JARID2: variants seen among roughly 807,000 people sequenced by gnomAD.
JARID2 encodes the protein protein Jumonji.
A neutral mutation model predicts 125.6 loss-of-function variants in JARID2; 21 were observed. The observed-to-expected ratio is 0.17, with a 90% CI of 0.12 to 0.24. The LOEUF (loss-of-function observed/expected upper bound fraction) is 0.24, where lower values mean the gene tolerates loss of function less well. Ranked by LOEUF, JARID2 falls within the 10% of genes least tolerant of loss-of-function variation. JARID2 has a pLI of 1.00. For missense variants in JARID2, 1,303 were observed against 1,639.6 expected, an observed-to-expected ratio of 0.79 and a Z score of 3.55; for synonymous variants, 736 against 661.6, an observed-to-expected ratio of 1.11 and a Z score of -1.73.
chr6:15,266,853 C>T (rs574862773), intron 1 of JARID2, among the ~76,000 whole-genome samples: 2 of 152,240 alleles, frequency 1.3e-5, no homozygotes, highest in South Asian at 2.1e-4. Flanking sequence ...ACAATCAGGG[C>T]GCCAGCTGAC....
chr6:15,482,222 C>T (rs1412832207), intron 5 of JARID2, among the ~76,000 whole-genome samples: 1 of 152,226 alleles, frequency 6.6e-6, no homozygotes, highest in African/African-American at 2.4e-5. Flanking sequence ...ACACATCAAG[C>T]TTCTTGAAAT....
At chr6:15,343,736 T>C (rs1763150388) in intron 1 of JARID2, among the ~76,000 whole-genome samples, 1 of 152,194 alleles carries the variant, frequency 6.6e-6, no homozygotes, top group Admixed American at 6.5e-5. Context: ...TCAGATTGTT[T>C]AGACTAATGT....
chr6:15,513,533 T>C (rs962692480), intron 16 of JARID2, 111 bp downstream of exon 16: 2 of 1,080,540 alleles, frequency 1.9e-6, no homozygotes, highest in Admixed American at 6.0e-5. Flanking sequence ...CCTGCTGTGC[T>C]CCCATCTCTG....
chr6:15,455,301 A>G (rs558824582), intron 4 of JARID2, among the ~76,000 whole-genome samples: 2 of 151,242 alleles, frequency 1.3e-5, no homozygotes, highest in Admixed American at 6.6e-5. Context: ...GTACATATTT[A>G]TGGGTCACAT....
intron 3 of JARID2, among the ~76,000 whole-genome samples, chr6:15,418,946 G>T (rs1040636617): frequency 6.6e-6 from 1 of 152,032 alleles, no homozygotes; most frequent in Non-Finnish European, 1.5e-5. Context: ...TATTTACTTC[G>T]AGTTTGAAAG....
chr6:15,370,756 C>T (rs1764137825), intron 1 of JARID2, among the ~76,000 whole-genome samples: 1 of 152,180 alleles, frequency 6.6e-6, no homozygotes, highest in Non-Finnish European at 1.5e-5. Context: ...CTTCCTCTCC[C>T]CCATCTTGGA....
intron 3 of JARID2, among the ~76,000 whole-genome samples, chr6:15,428,867 C>T (rs1484661983): frequency 6.7e-6 from 1 of 149,632 alleles, no homozygotes; most frequent in East Asian, 2.0e-4. Context: ...GATAGCACCA[C>T]TGCACTCCAA....
At chr6:15,428,621 T>C (rs543349076) in intron 3 of JARID2, among the ~76,000 whole-genome samples, 144 of 152,188 alleles carry the variant, frequency 9.5e-4, no homozygotes, top group Non-Finnish European at 1.8e-3. Context: ...TAGAATCTTC[T>C]AGTGCCAGGC....
At chr6:15,447,244 TAC>T (rs998522956) in intron 3 of JARID2, among the ~76,000 whole-genome samples, 2 of 152,240 alleles carry the variant, frequency 1.3e-5, no homozygotes, top group African/African-American at 4.8e-5. Context: ...TCTGCTGGTT[TAC>T]ATTTACTTGA....
intron 17 of JARID2, among the ~76,000 whole-genome samples, chr6:15,518,688 G>C (rs1332060568): frequency 1.3e-5 from 2 of 152,148 alleles, no homozygotes; most frequent in East Asian, 3.9e-4. Context: ...TACCATGTTG[G>C]TCAGGCTGGT....
rs182426675 is a variant in JARID2, at chr6:15,480,524, C to T, written c.671-6783C>T. 1.8e-4 allele frequency among the ~76,000 whole-genome samples: 27 copies of T among 152,184 alleles called. No homozygotes were observed. In the East Asian group the frequency reaches 4.3e-3, roughly 24 times the overall value. ...GCATGGGTAATTGGCAAGATAGGGG[C>T]GTCTGGTTCTGGGAGGCGCTTGGAG... On this transcript the variant is annotated intron_variant, in intron 5 of 17. Coordinates refer to ENST00000341776, the MANE Select transcript of JARID2 (RefSeq NM_004973.4).
At chr6:15,253,928 T>C (rs559547220) in intron 1 of JARID2, among the ~76,000 whole-genome samples, 5 of 152,294 alleles carry the variant, frequency 3.3e-5, no homozygotes, top group Non-Finnish European at 5.9e-5. Flanking sequence ...TTTCTGAATT[T>C]GCTCCCCCCT....
rs565772790 is a variant in JARID2, at chr6:15,272,218, C to T, written c.45+25634C>T. On this transcript the variant is annotated intron_variant, in intron 1 of 17. Transcript: ENST00000341776. ...TGCTTGAAAATGCATCTTTTGGCCC[C>T]GTGGCCCTCTATGTTGTCCTTTCTG... is the stretch of plus-strand genomic sequence containing the variant. Among the ~76,000 whole-genome samples, 6 of 152,350 alleles carry T rather than the reference C, an allele frequency of 3.9e-5. No homozygotes were observed. In the South Asian group the frequency reaches 1.0e-3, roughly 26 times the overall value.
At chr6:15,303,418 A>T (rs553230204) in intron 1 of JARID2, among the ~76,000 whole-genome samples, 18 of 152,390 alleles carry the variant, frequency 1.2e-4, no homozygotes, top group Admixed American at 4.6e-4. Flanking sequence ...GTAATCCTGC[A>T]CGGGCAGTGT....
chr6:15,252,334 T>C (rs1394015652), intron 1 of JARID2, among the ~76,000 whole-genome samples: 2 of 152,202 alleles, frequency 1.3e-5, no homozygotes, highest in African/African-American at 2.4e-5. Flanking sequence ...TTGTTTGTTA[T>C]CTAACAAACT....
rs550548571 is a variant in JARID2 at position 15,520,790 on chromosome 6, G to C, written c.*539G>C. 1 of 455,836 alleles carries C rather than the reference G, an allele frequency of 2.2e-6. No homozygotes were observed. The highest frequency in any genetic ancestry group is 2.0e-5 in the African/African-American group (1 of 50,054). The allele number at this position is 455,836 out of a possible 1,614,324, so 28.2% of individuals were successfully genotyped here. A position where few individuals can be genotyped will look rare whatever the true frequency, so the allele number is the denominator to read the frequency against. ...TGATCTGGGAAGCCGGGGCACCCCC[G>C]TTTTGTTTCTCTGGGCGGTTGTGGC... On this transcript the variant is annotated 3_prime_UTR_variant, in exon 18 of 18. Transcript: ENST00000341776.
Position 15,508,351 on chromosome 6 carries a change from C to A in JARID2, c.2743C>A (p.Pro915Thr). The stretch of plus-strand genomic sequence containing the variant: ...TCTTTCTGTTTTAGGAGTGACTATT[C>A]CCTGGCTAAATATTGGCATGGTCTT... Reference protein sequence around the residue: ...HLGAVPGVTIPWLNIGMVFST... With the variant: ...HLGAVPGVTITWLNIGMVFST... Residue 915 changes from proline (P) to threonine (T), a missense_variant, in exon 12 of 18, where the codon CCC becomes ACC. Physicochemically the swap from Pro to Thr is conservative, Grantham distance 38. Coordinates refer to ENST00000341776, the MANE Select transcript of JARID2 (RefSeq NM_004973.4). The A allele has an allele frequency of 1.9e-6, 3 of 1,590,386 alleles. No homozygotes were observed. The highest frequency in any genetic ancestry group is 2.2e-5 in the South Asian group (2 of 90,620).
At chr6:15,344,487 C>T (rs1763182016) in intron 1 of JARID2, among the ~76,000 whole-genome samples, 1 of 150,678 alleles carries the variant, frequency 6.6e-6, no homozygotes, top group Admixed American at 6.6e-5. Context: ...AGCTGTATTG[C>T]TATGTCTCAC....
At chr6:15,312,183 T>G (rs1222506312) in intron 1 of JARID2, among the ~76,000 whole-genome samples, 1 of 152,006 alleles carries the variant, frequency 6.6e-6, no homozygotes, top group East Asian at 1.9e-4. Flanking sequence ...GCCTCCCAAT[T>G]AGCTGGGATT....
Sources: allele counts gnomAD v4.1 joint callset (sites outside exome capture counted in the v4.1 genomes callset), GRCh38; gene constraint gnomAD v4.1.1; transcripts MANE v1.5; gene names NCBI Gene and HGNC (gene_info 2026-07-23, HGNC 2026-07-21).